ST7: variants seen among roughly 807,000 people sequenced by gnomAD.
ST7 encodes the protein suppressor of tumorigenicity 7 protein.
ST7 carries 28 observed loss-of-function variants against 78.7 expected under a neutral mutation model. The ratio of observed to expected loss-of-function variants is 0.36; its 90% CI spans 0.26 to 0.49. ST7 has a LOEUF of 0.49. ST7 is among the 20% of genes least tolerant of loss of function. ST7 has a pLI of 0.99. For missense variants in ST7, 418 were observed against 696.0 expected, an observed-to-expected ratio of 0.60 and a Z score of 4.49; for synonymous variants, 247 against 249.6, an observed-to-expected ratio of 0.99 and a Z score of 0.10.
At chr7:117,031,882 ATTTTTTT>A (rs760153477) in intron 1 of ST7, among the ~76,000 whole-genome samples, 5 of 110,344 alleles carry the variant, frequency 4.5e-5, no homozygotes, top group African/African-American at 1.8e-4. Context: ...ATATATATAT[ATTTTTTT>A]TTTTTTTTTG....
chr7:117,175,743 A>G (rs546254953), intron 10 of ST7, among the ~76,000 whole-genome samples: 2 of 152,226 alleles, frequency 1.3e-5, no homozygotes, highest in Non-Finnish European at 2.9e-5. Context: ...AATCTATGTT[A>G]AGTGTCAAGA....
intron 1 of ST7, among the ~76,000 whole-genome samples, chr7:116,995,998 G>C (rs1355894277): frequency 4.0e-5 from 6 of 151,778 alleles, no homozygotes; most frequent in Non-Finnish European, 8.8e-5. Context: ...GATTAGACTA[G>C]AGTTCCTACC....
In ST7 at chr7:117,023,757, A is replaced by G. The variant is rs189329288; in HGVS notation, c.151+70066A>G. On this transcript the variant is annotated intron_variant, in intron 1 of 15. Transcript: ENST00000323984. ...GAGGAAGGTGATAATTAAAATGTATATTTGGAGTTCTTAATTTGATTATAT... is the reference window on the plus strand; with the variant it reads ...GAGGAAGGTGATAATTAAAATGTATGTTTGGAGTTCTTAATTTGATTATAT... Among the ~76,000 whole-genome samples the G allele has an allele frequency of 1.3e-3, 192 of 150,558 alleles. 1 individual carries two copies. The highest frequency in any genetic ancestry group is 2.3e-3 in the Non-Finnish European group (158 of 67,814).
At position 117,054,222 on chromosome 7, in the gene ST7, C is replaced by A. The variant is rs530545554; in HGVS notation, c.152-45540C>A. On this transcript the variant is annotated intron_variant, in intron 1 of 15. Coordinates refer to ENST00000323984, the MANE Select transcript of ST7 (RefSeq NM_001369598.1). ...TATTTTAAAATCTGTGCGCACACCC[C>A]TTTAGGTATGATCTGCTTTTGTTAA... Among the ~76,000 whole-genome samples the A allele has an allele frequency of 2.0e-5, 3 of 152,278 alleles. No homozygotes were observed. In the South Asian group the frequency reaches 6.2e-4, roughly 32 times the overall value.
chr7:117,187,554 A>G (rs529960924), intron 10 of ST7: 2 of 152,286 alleles, frequency 1.3e-5, no homozygotes, highest in East Asian at 1.9e-4. Flanking sequence ...TTGATTAGGC[A>G]TCTCTAGTCA....
At chr7:117,169,148 T>A in intron 9 of ST7, among the ~76,000 whole-genome samples, 1 of 150,570 alleles carries the variant, frequency 6.6e-6, no homozygotes, top group East Asian at 1.9e-4. Flanking sequence ...TTTTTTTTTT[T>A]TTTTTGAGAC....
At chr7:117,083,100 C>T (rs1432360049) in intron 1 of ST7, among the ~76,000 whole-genome samples, 1 of 151,936 alleles carries the variant, frequency 6.6e-6, no homozygotes, top group Non-Finnish European at 1.5e-5. Context: ...GCTCTTGTTG[C>T]TCAGGCTGGA....
intron 1 of ST7, among the ~76,000 whole-genome samples, chr7:117,000,706 T>C (rs1713359238): frequency 6.6e-6 from 1 of 152,254 alleles, no homozygotes; most frequent in African/African-American, 2.4e-5. Context: ...TGCGTGGCAG[T>C]ACTGCCATGT....
At chr7:117,191,916 A>G (rs1471411064) in intron 12 of ST7, among the ~76,000 whole-genome samples, 1 of 152,008 alleles carries the variant, frequency 6.6e-6, no homozygotes, top group African/African-American at 2.4e-5. Context: ...GGAGTTAACT[A>G]CTTTATTTTG....
chr7:117,209,677 A>T (rs1462932694), intron 12 of ST7, 110 bp from the exon 13 acceptor site: 28 of 1,290,474 alleles, frequency 2.2e-5, no homozygotes, highest in Non-Finnish European at 3.0e-5. Flanking sequence ...TGCAGGTTTA[A>T]TGAAATGCTT....
At chr7:117,110,306 GC>G (rs1802324230) in intron 2 of ST7, among the ~76,000 whole-genome samples, 1 of 152,116 alleles carries the variant, frequency 6.6e-6, no homozygotes. Context: ...TGAAAGGTAG[GC>G]TTTTGTCTTT....
intron 1 of ST7, among the ~76,000 whole-genome samples, chr7:116,957,520 T>C (rs1188571081): frequency 6.6e-6 from 1 of 152,176 alleles, no homozygotes; most frequent in Non-Finnish European, 1.5e-5. Flanking sequence ...TTTTTGAGGC[T>C]CTGCTCTTGA....
intron 7 of ST7, among the ~76,000 whole-genome samples, chr7:117,135,135 G>A (rs926988659): frequency 3.9e-5 from 6 of 152,086 alleles, no homozygotes; most frequent in African/African-American, 1.2e-4. Flanking sequence ...CAGGACCTGC[G>A]TGGTCTGTTA....
intron 15 of ST7, chr7:117,223,041 G>C: frequency 8.4e-7 from 1 of 1,188,752 alleles, no homozygotes; most frequent in South Asian, 1.2e-5. Flanking sequence ...CCTGACCTCC[G>C]CCATCCACCC....
intron 1 of ST7, among the ~76,000 whole-genome samples, chr7:117,014,156 G>A (rs1386177199): frequency 6.6e-6 from 1 of 152,084 alleles, no homozygotes; most frequent in Non-Finnish European, 1.5e-5. Flanking sequence ...AACCATTCAG[G>A]TTGCTTACAA....
intron 15 of ST7, chr7:117,223,186 C>A (rs1281459284): frequency 3.5e-6 from 2 of 576,344 alleles, no homozygotes; most frequent in East Asian, 5.8e-5. Context: ...ATGTGATTCA[C>A]CTCTTCTTTC....
chr7:117,010,668 A>G (rs1795349478), intron 1 of ST7, among the ~76,000 whole-genome samples: 1 of 152,214 alleles, frequency 6.6e-6, no homozygotes, highest in Non-Finnish European at 1.5e-5. Flanking sequence ...AAAACCCCCT[A>G]TTTTCATTTC....
chr7:117,207,351 C>T (rs1031091836), intron 12 of ST7, among the ~76,000 whole-genome samples: 1 of 152,030 alleles, frequency 6.6e-6, no homozygotes, highest in Non-Finnish European at 1.5e-5. Context: ...ACCACCTTGG[C>T]CAGGCTGGTC....
At chr7:117,063,086 A>G (rs1486702249) in intron 1 of ST7, among the ~76,000 whole-genome samples, 2 of 152,232 alleles carry the variant, frequency 1.3e-5, no homozygotes, top group Admixed American at 6.5e-5. Flanking sequence ...ATATTGTCCT[A>G]TAGACAGAAA....
Sources: gnomAD v4.1 joint callset for allele counts (sites outside exome capture counted in the v4.1 genomes callset) on GRCh38, gnomAD v4.1.1 for gene constraint, MANE v1.5 for transcripts, NCBI Gene and HGNC (gene_info 2026-07-23, HGNC 2026-07-21) for gene names.